The following CFAP52 variants were observed in gnomAD, a reference collection of about 807,000 sequenced individuals.
The protein encoded by CFAP52 is cilia and flagella associated protein 52.
In CFAP52, 57 loss-of-function variants were observed where a neutral mutation model predicts 70.5. The ratio of observed to expected loss-of-function variants is 0.81; its 90% CI spans 0.65 to 1.01. The LOEUF is 1.01. CFAP52 is among the 50% of genes least tolerant of loss of function. The pLI is 0.00. For missense variants in CFAP52, 785 were observed against 788.5 expected (o/e 1.00, Z 0.05); for synonymous variants, 267 against 292.5 (o/e 0.91, Z 0.89).
Position 9,576,756 on chromosome 17 carries a change from G to A in CFAP52, c.61G>A (p.Gly21Ser), listed in dbSNP as rs370915625. 2 of 1,611,898 alleles carry A rather than the reference G, an allele frequency of 1.2e-6. No homozygotes were observed. The highest frequency in any genetic ancestry group is 1.7e-6 in the Non-Finnish European group (2 of 1,179,018). Residue 21 changes from glycine to serine, a missense_variant, in exon 1 of 14, where the codon GGC (glycine) becomes AGC (serine). Transcript: ENST00000352665. ...GGAGCTGGAACTTGACGCCGTGATCGGCTTCAATGGTGAGGCCTCCAGCAT... is the reference window on the plus strand; with the variant it reads ...GGAGCTGGAACTTGACGCCGTGATCAGCTTCAATGGTGAGGCCTCCAGCAT... ...VAELELDAVI[G>S]FNGHVPTGLK...
At chr17:9,615,947 T>C (rs1327345467) in intron 8 of CFAP52, among the ~76,000 whole-genome samples, 3 of 151,954 alleles carry the variant, frequency 2.0e-5, no homozygotes, top group Admixed American at 2.0e-4. Flanking sequence ...GCAGTCAACC[T>C]CTAAATTTTT....
intron 1 of CFAP52, among the ~76,000 whole-genome samples, chr17:9,578,745 C>T (rs577609529): frequency 1.2e-4 from 18 of 152,230 alleles, no homozygotes; most frequent in Non-Finnish European, 1.9e-4. Flanking sequence ...GGGGTTTCAC[C>T]AAGTTGGCCA....
At chr17:9,605,939 T>A (rs1426678727) in intron 6 of CFAP52, among the ~76,000 whole-genome samples, 1 of 152,142 alleles carries the variant, frequency 6.6e-6, no homozygotes, top group African/African-American at 2.4e-5. Context: ...GTTTATTAGC[T>A]GTCATACATC....
At chr17:9,627,866 A>G (rs1910298669) in intron 8 of CFAP52, among the ~76,000 whole-genome samples, 1 of 152,112 alleles carries the variant, frequency 6.6e-6, no homozygotes, top group Admixed American at 6.6e-5. Context: ...GACCACAGGC[A>G]TGCATCACTA....
chr17:9,643,344 T>C lies in CFAP52; in HGVS notation c.*146T>C. 1.7e-6 allele frequency: 1 copy of C among 586,608 alleles called. No individual in the cohort carries two copies. The highest frequency in any genetic ancestry group is 2.6e-6 in the Non-Finnish European group (1 of 389,708). 36.3% of individuals were successfully genotyped at this position (586,608 alleles called of 1,614,324 possible). A position where few individuals can be genotyped will look rare whatever the true frequency, so the allele number is the denominator to read the frequency against. Reference sequence around the variant, plus strand: ...TCTCTTTTTCTTTATAGAATGCATTTTATATTCTTAAATTGCATATTAAAA... The same window carrying C: ...TCTCTTTTTCTTTATAGAATGCATTCTATATTCTTAAATTGCATATTAAAA... On this transcript the variant is annotated 3_prime_UTR_variant, in exon 14 of 14. Coordinates refer to ENST00000352665, the MANE Select transcript of CFAP52 (RefSeq NM_145054.5).
intron 8 of CFAP52, among the ~76,000 whole-genome samples, chr17:9,613,129 C>T (rs1338502672): frequency 6.6e-6 from 1 of 151,830 alleles, no homozygotes; most frequent in African/African-American, 2.4e-5. Context: ...CACGAAGTAT[C>T]TGTGGTACCT....
In CFAP52 at chr17:9,633,960, C is replaced by T. The variant is rs569909888; in HGVS notation, c.1320+927C>T. The stretch of plus-strand genomic sequence containing the variant: ...CCTCCCAAAGTGCTGGGATTACAGG[C>T]GTGAGCCACCGCGCCTGGCCCATCT... On this transcript the variant is annotated intron_variant, in intron 10 of 13. Coordinates refer to ENST00000352665, the MANE Select transcript of CFAP52 (RefSeq NM_145054.5). 3.4e-4 allele frequency among the ~76,000 whole-genome samples: 51 copies of T among 152,226 alleles called. No individual in the cohort carries two copies. In the South Asian group the frequency reaches 9.8e-3, roughly 29 times the overall value.
intron 4 of CFAP52, among the ~76,000 whole-genome samples, chr17:9,596,057 G>GTGTGTGTGTGTA (rs1555541589): frequency 9.7e-6 from 1 of 103,588 alleles, no homozygotes; most frequent in Admixed American, 1.0e-4. Flanking sequence ...ATATATGTGT[G>GTGTGTGTGTGTA]TGTATATATA....
intron 1 of CFAP52, among the ~76,000 whole-genome samples, chr17:9,578,597 G>GAA (rs1300769449): frequency 3.3e-5 from 5 of 152,166 alleles, no homozygotes; most frequent in Non-Finnish European, 5.9e-5. Flanking sequence ...TCGCTCTGTT[G>GAA]TGTAATGGCA....
At chr17:9,610,435 T>C (rs943507854) in intron 7 of CFAP52, 1 of 152,150 alleles carries the variant, frequency 6.6e-6, no homozygotes, top group East Asian at 1.9e-4. Context: ...TTTTTGTAGA[T>C]TGAAAAGGCT....
intron 8 of CFAP52, among the ~76,000 whole-genome samples, chr17:9,627,877 C>T (rs1429080245): frequency 1.3e-5 from 2 of 152,066 alleles, no homozygotes; most frequent in Non-Finnish European, 2.9e-5. Context: ...TGCATCACTA[C>T]ACCCAGCTAA....
At chr17:9,631,068 A>AAGAAAGAAAG in intron 9 of CFAP52, among the ~76,000 whole-genome samples, 1 of 106,652 alleles carries the variant, frequency 9.4e-6, no homozygotes, top group African/African-American at 4.3e-5. Context: ...GAAAGAAAGA[A>AAGAAAGAAAG]AGAAAGAAAG....
intron 1 of CFAP52, among the ~76,000 whole-genome samples, chr17:9,579,327 G>C (rs992526447): frequency 6.6e-6 from 1 of 152,108 alleles, no homozygotes; most frequent in African/African-American, 2.4e-5. Flanking sequence ...CAGCAATAGC[G>C]GGGGGCAGAG....
rs764278898 is a variant in CFAP52 at position 9,636,199 on chromosome 17, G to GAA, written c.1472+645_1472+646dup. 2.8e-4 allele frequency among the ~76,000 whole-genome samples: 32 copies of GAA among 114,354 alleles called. 1 individual carries two copies. The highest frequency in any genetic ancestry group is 3.7e-4 in the Non-Finnish European group (21 of 56,054). 75.0% of individuals were successfully genotyped at this position (114,354 alleles called of 152,430 possible). A position where few individuals can be genotyped will look rare whatever the true frequency, so the allele number is the denominator to read the frequency against. ...CAAAAAAAAGAAAGAAAGAAAGAAA[G>GAA]AAAGAAAGAAAGAAAGAAAGAAAGA... On this transcript the variant is annotated intron_variant, in intron 11 of 13. Coordinates refer to ENST00000352665, the MANE Select transcript of CFAP52 (RefSeq NM_145054.5).
chr17:9,587,043 CCA>C (rs1255845375), intron 3 of CFAP52, among the ~76,000 whole-genome samples: 1 of 152,076 alleles, frequency 6.6e-6, no homozygotes, highest in African/African-American at 2.4e-5. Flanking sequence ...TCAACAGGCC[CCA>C]GTGTCTGTGT....
intron 8 of CFAP52, among the ~76,000 whole-genome samples, chr17:9,613,586 C>T (rs1281731323): frequency 2.0e-5 from 3 of 151,738 alleles, no homozygotes; most frequent in East Asian, 1.9e-4. Context: ...GGTGGGATTT[C>T]GACTCACTGC....
rs527488894 is a variant in CFAP52, at chr17:9,633,174, A to C, written c.1320+141A>C. On this transcript the variant is annotated intron_variant, in intron 10 of 13. Transcript: ENST00000352665. ...ATTGACATTTTGATGAGATCTGAAA[A>C]TATGTCATAAATAAAAGTTCTAATA... is the stretch of plus-strand genomic sequence containing the variant. 19 of 998,668 alleles carry C rather than the reference A, an allele frequency of 1.9e-5. No homozygotes were observed. In the South Asian group the frequency reaches 3.5e-4, roughly 19 times the overall value. The allele number at this position is 998,668 out of a possible 1,614,324, so 61.9% of individuals were successfully genotyped here.
At chr17:9,636,438 C>T (rs776897931) in intron 11 of CFAP52, among the ~76,000 whole-genome samples, 1 of 152,122 alleles carries the variant, frequency 6.6e-6, no homozygotes, top group Non-Finnish European at 1.5e-5. Context: ...GAATGACTAA[C>T]TTCAAACTAA....
Position 9,635,422 on chromosome 17 carries a change from A to G in CFAP52, c.1338A>G (p.Ile446Met). The G allele has an allele frequency of 6.2e-7, 1 of 1,614,138 alleles. No individual in the cohort carries two copies. Among genetic ancestry groups the G allele is most frequent in the South Asian group, 1.1e-5 (1 of 91,084 alleles). ...GGEGEVRVWQ[I>M]GCQTQKLEEA... The stretch of plus-strand genomic sequence containing the variant: ...GCTTTCAGGTGAGGGTATGGCAGAT[A>G]GGCTGTCAGACCCAGAAGCTGGAGG... The change falls in exon 11 of 14, where the codon ATA (isoleucine) becomes ATG (methionine). Residue 446 changes from isoleucine to methionine, a missense_variant. Transcript: ENST00000352665.
Sources: allele counts gnomAD v4.1 joint callset (sites outside exome capture counted in the v4.1 genomes callset), GRCh38; gene constraint gnomAD v4.1.1; transcripts MANE v1.5; gene names NCBI Gene and HGNC (gene_info 2026-07-23, HGNC 2026-07-21).